The following SRP54 variants were observed in gnomAD, a reference collection of about 807,000 sequenced individuals.
The protein encoded by SRP54 is signal recognition particle subunit SRP54.
Under a neutral mutation model 64.8 loss-of-function variants are expected in SRP54, and 10 were observed. That is an observed-to-expected ratio of 0.15 (90% confidence interval 0.10 to 0.26). The LOEUF is 0.26. Ranked by LOEUF, SRP54 falls within the 10% of genes least tolerant of loss-of-function variation. The pLI is 1.00. For synonymous variants in SRP54, 193 were observed against 185.6 expected (o/e 1.04, Z -0.32); for missense variants, 325 against 613.7 (o/e 0.53, Z 4.97).
chr14:35,027,026 CTT>C (rs368696128), intron 14 of SRP54, among the ~76,000 whole-genome samples: 8 of 135,048 alleles, frequency 5.9e-5, no homozygotes, highest in African/African-American at 1.6e-4. Flanking sequence ...TTTCTACTTT[CTT>C]TTTTTTTTTT....
At chr14:34,988,305 T>C (rs1351075169) in intron 1 of SRP54, among the ~76,000 whole-genome samples, 1 of 151,764 alleles carries the variant, frequency 6.6e-6, no homozygotes, top group Admixed American at 6.6e-5. Context: ...GGTTCACGCC[T>C]GTAATCCTAG....
chr14:35,026,006 T>C (rs1054176024), intron 14 of SRP54, among the ~76,000 whole-genome samples: 4 of 148,298 alleles, frequency 2.7e-5, no homozygotes, highest in Admixed American at 1.4e-4. Flanking sequence ...CAGTGAGCCA[T>C]GATCAGAGCA....
chr14:34,996,030 A>G (rs1174495848), intron 1 of SRP54, among the ~76,000 whole-genome samples: 1 of 149,432 alleles, frequency 6.7e-6, no homozygotes, highest in Non-Finnish European at 1.5e-5. Flanking sequence ...ACACCACTGC[A>G]CTCCAGCTTG....
chr14:35,006,027 G>A (rs1566648731), intron 4 of SRP54, among the ~76,000 whole-genome samples: 3 of 151,956 alleles, frequency 2.0e-5, no homozygotes, highest in Admixed American at 2.0e-4. Flanking sequence ...TTTTAGCAGA[G>A]ATGGGGTTTC....
chr14:34,995,747 G>A (rs942668085), intron 1 of SRP54, among the ~76,000 whole-genome samples: 2 of 151,884 alleles, frequency 1.3e-5, no homozygotes, highest in Admixed American at 6.6e-5. Context: ...TTTTATTTTC[G>A]GTTCCTCATC....
chr14:34,987,620 T>C (rs1417937286), intron 1 of SRP54, among the ~76,000 whole-genome samples: 3 of 152,192 alleles, frequency 2.0e-5, no homozygotes, highest in Admixed American at 2.0e-4. Context: ...CTTCATTTCT[T>C]TTTATTGCCT....
At chr14:34,991,574 T>C (rs2043980361) in intron 1 of SRP54, among the ~76,000 whole-genome samples, 1 of 151,552 alleles carries the variant, frequency 6.6e-6, no homozygotes, top group Non-Finnish European at 1.5e-5. Context: ...CATTGAGAAA[T>C]GGCATCTGGA....
intron 1 of SRP54, among the ~76,000 whole-genome samples, chr14:34,992,784 TA>T (rs2044001382): frequency 6.6e-6 from 1 of 152,160 alleles, no homozygotes; most frequent in Non-Finnish European, 1.5e-5. Flanking sequence ...CCTCTGAATC[TA>T]AAATAAATTA....
At chr14:35,000,664 A>C (rs1186419958) in intron 3 of SRP54, among the ~76,000 whole-genome samples, 1 of 152,192 alleles carries the variant, frequency 6.6e-6, no homozygotes, top group Non-Finnish European at 1.5e-5. Flanking sequence ...AAAGTAAATA[A>C]AACTAGTTCT....
At chr14:35,003,686 G>C (rs897463407) in intron 4 of SRP54, among the ~76,000 whole-genome samples, 2 of 150,372 alleles carry the variant, frequency 1.3e-5, no homozygotes, top group Admixed American at 6.7e-5. Context: ...CCCTACACCT[G>C]AGCCTCCTAG....
intron 14 of SRP54, among the ~76,000 whole-genome samples, chr14:35,025,346 C>A (rs1391951340): frequency 6.6e-6 from 1 of 152,126 alleles, no homozygotes; most frequent in African/African-American, 2.4e-5. Flanking sequence ...GTCTTTGAAG[C>A]TTTCCTTATT....
chr14:35,016,853 T>TTTTTTC (rs1566653961), intron 11 of SRP54, among the ~76,000 whole-genome samples: 4 of 144,040 alleles, frequency 2.8e-5, no homozygotes, highest in East Asian at 2.0e-4. Context: ...TTCTTTTTTT[T>TTTTTTC]TTTTTTTCTT....
chr14:35,012,791 T>C (rs2044375442), intron 8 of SRP54, among the ~76,000 whole-genome samples: 1 of 152,190 alleles, frequency 6.6e-6, no homozygotes, highest in Admixed American at 6.6e-5. Flanking sequence ...CTATTTATTA[T>C]ATATGTCCTC....
chr14:35,011,840 C>T (rs1322463638), intron 8 of SRP54, among the ~76,000 whole-genome samples, 181 bp downstream of exon 8: 1 of 152,088 alleles, frequency 6.6e-6, no homozygotes, highest in Non-Finnish European at 1.5e-5. Context: ...TTTTTGTTCT[C>T]CATTAAATAT....
intron 4 of SRP54, among the ~76,000 whole-genome samples, chr14:35,005,197 A>G (rs1231610170): frequency 6.6e-6 from 1 of 152,170 alleles, no homozygotes; most frequent in Admixed American, 6.5e-5. Flanking sequence ...GCCAGACATC[A>G]TGGCATATGC....
intron 11 of SRP54, among the ~76,000 whole-genome samples, chr14:35,016,860 T>C (rs2044450786): frequency 2.7e-5 from 2 of 73,166 alleles, no homozygotes; most frequent in South Asian, 1.1e-3. Context: ...TTTTTTTTTT[T>C]CTTCTTTTTT....
At chr14:35,026,855 A>G (rs2044635366) in intron 14 of SRP54, among the ~76,000 whole-genome samples, 1 of 151,914 alleles carries the variant, frequency 6.6e-6, no homozygotes, top group African/African-American at 2.4e-5. Flanking sequence ...AGACAGGAGA[A>G]TGGTGTGAAC....
Position 35,008,770 on chromosome 14 carries a change from C to A in SRP54, c.428-4C>A. The A allele has an allele frequency of 6.2e-7, 1 of 1,609,326 alleles. No homozygotes were observed. The highest frequency in any genetic ancestry group is 8.5e-7 in the Non-Finnish European group (1 of 1,178,612). On this transcript the variant is annotated splice_region_variant and splice_polypyrimidine_tract_variant and intron_variant, in intron 6 of 15. Coordinates refer to ENST00000216774, the MANE Select transcript of SRP54 (RefSeq NM_003136.4). ...TGAGGATTCATGAACTCTTTATCTT[C>A]CAGGGGCTTTTGACCAACTAAAACA... is the stretch of plus-strand genomic sequence containing the variant.
At chr14:35,019,114 G>T (rs768658201) in intron 13 of SRP54, 40 bp downstream of exon 13, 1 of 1,375,816 alleles carries the variant, frequency 7.3e-7, no homozygotes, top group African/African-American at 1.4e-5. Context: ...AAAATGTTCT[G>T]AGTATCAGTA....
Sources: gnomAD v4.1 joint callset for allele counts (sites outside exome capture counted in the v4.1 genomes callset) on GRCh38, gnomAD v4.1.1 for gene constraint, MANE v1.5 for transcripts, NCBI Gene and HGNC (gene_info 2026-07-23, HGNC 2026-07-21) for gene names.